Variants in L3MBTL4 observed in about 807,000 individuals in gnomAD.
L3MBTL4 encodes L3MBTL histone methyl-lysine binding protein 4, also known as lethal(3)malignant brain tumor-like protein 4.
L3MBTL4 carries 70 observed loss-of-function variants against 84.5 expected under a neutral mutation model. The observed-to-expected ratio is 0.83, with a 90% CI of 0.68 to 1.01. The LOEUF is 1.01. Ranked by LOEUF, L3MBTL4 falls within the 50% of genes least tolerant of loss-of-function variation. The pLI, the probability that L3MBTL4 is intolerant of heterozygous loss-of-function variation, is 0.00. For missense variants in L3MBTL4, 715 were observed against 754.8 expected (o/e 0.95, Z 0.62); for synonymous variants, 274 against 259.8 (o/e 1.05, Z -0.52).
chr18:6,203,626 A>G (rs1422216976), intron 12 of L3MBTL4, among the ~76,000 whole-genome samples: 2 of 152,194 alleles, frequency 1.3e-5, no homozygotes, highest in Non-Finnish European at 2.9e-5. Context: ...ATTACAAACC[A>G]GGGAAAAGAA....
chr18:6,413,753 G>A (rs912219096), intron 1 of L3MBTL4, among the ~76,000 whole-genome samples: 1 of 152,194 alleles, frequency 6.6e-6, no homozygotes. Flanking sequence ...GGGAATGGCC[G>A]AGTGGGTCGT....
chr18:6,058,699 A>G (rs906443630), intron 16 of L3MBTL4, among the ~76,000 whole-genome samples: 3 of 152,194 alleles, frequency 2.0e-5, no homozygotes, highest in Non-Finnish European at 2.9e-5. Flanking sequence ...AATGATGAAT[A>G]AAGGAGAGAA....
At chr18:6,012,227 A>C (rs2054772188) in intron 16 of L3MBTL4, among the ~76,000 whole-genome samples, 1 of 152,172 alleles carries the variant, frequency 6.6e-6, no homozygotes, top group African/African-American at 2.4e-5. Context: ...AAGATGAAGA[A>C]TGGAGGAAAG....
intron 16 of L3MBTL4, among the ~76,000 whole-genome samples, chr18:5,973,231 G>A (rs1044669514): frequency 6.6e-6 from 1 of 152,182 alleles, no homozygotes; most frequent in African/African-American, 2.4e-5. Flanking sequence ...ACACCTGAGT[G>A]GTCCTGGAAT....
chr18:5,980,640 C>T (rs2053170980), intron 16 of L3MBTL4, among the ~76,000 whole-genome samples: 1 of 152,004 alleles, frequency 6.6e-6, no homozygotes, highest in African/African-American at 2.4e-5. Context: ...TCATGTTGGC[C>T]AGGCTGGTCT....
chr18:6,159,271 G>A (rs1398652504), intron 13 of L3MBTL4, among the ~76,000 whole-genome samples: 5 of 152,154 alleles, frequency 3.3e-5, no homozygotes, highest in African/African-American at 9.7e-5. Context: ...GTTCAGAGAC[G>A]GGATAACCAG....
At chr18:6,284,977 G>T (rs1268566862) in intron 4 of L3MBTL4, among the ~76,000 whole-genome samples, 1 of 152,204 alleles carries the variant, frequency 6.6e-6, no homozygotes, top group Non-Finnish European at 1.5e-5. Flanking sequence ...GGGCGGGGGC[G>T]GGAATGAACC....
intron 1 of L3MBTL4, among the ~76,000 whole-genome samples, chr18:6,315,909 T>G (rs73387682): frequency 6.7e-6 from 1 of 149,258 alleles, no homozygotes; most frequent in Non-Finnish European, 1.5e-5. Flanking sequence ...TATGTATTAA[T>G]TCTGCACCCA....
At chr18:6,169,264 A>G (rs1249268527) in intron 13 of L3MBTL4, among the ~76,000 whole-genome samples, 1 of 152,234 alleles carries the variant, frequency 6.6e-6, no homozygotes, top group Non-Finnish European at 1.5e-5. Context: ...TGTGGAAGAC[A>G]GGGTGGCAAT....
chr18:6,018,631 C>T (rs916162169), intron 16 of L3MBTL4, among the ~76,000 whole-genome samples: 5 of 152,192 alleles, frequency 3.3e-5, no homozygotes, highest in Admixed American at 2.0e-4. Context: ...CTACCATTTC[C>T]GCTCTACTCT....
intron 13 of L3MBTL4, among the ~76,000 whole-genome samples, chr18:6,162,834 T>C (rs1437754943): frequency 6.6e-6 from 1 of 152,170 alleles, no homozygotes; most frequent in East Asian, 1.9e-4. Flanking sequence ...TAAGATATTG[T>C]CTTCAGATTC....
At position 6,210,665 on chromosome 18, in the gene L3MBTL4, A is replaced by G. The variant is rs569964466; in HGVS notation, c.981+2484T>C. Among the ~76,000 whole-genome samples, 7 of 152,332 alleles carry G rather than the reference A, an allele frequency of 4.6e-5. No individual in the cohort carries two copies. In the South Asian group the frequency reaches 1.5e-3, roughly 32 times the overall value. ...ACAAAGACTAAGTGCCATGACCACC[A>G]TAGGCATTGTTGAAAATGTAGTTCT... On this transcript the variant is annotated intron_variant, in intron 12 of 18. Transcript: ENST00000317931.
At chr18:5,976,153 A>T (rs2052919092) in intron 16 of L3MBTL4, among the ~76,000 whole-genome samples, 1 of 152,230 alleles carries the variant, frequency 6.6e-6, no homozygotes, top group Non-Finnish European at 1.5e-5. Context: ...TGAAATGTGA[A>T]GCGTGCAAAC....
intron 16 of L3MBTL4, among the ~76,000 whole-genome samples, chr18:6,035,366 T>C (rs1235482473): frequency 1.3e-5 from 2 of 152,214 alleles, no homozygotes; most frequent in African/African-American, 4.8e-5. Flanking sequence ...TTTGTACATA[T>C]GGCTAGCCAG....
intron 1 of L3MBTL4, among the ~76,000 whole-genome samples, chr18:6,393,898 C>T (rs911251912): frequency 8.5e-5 from 13 of 152,178 alleles, no homozygotes; most frequent in Non-Finnish European, 1.9e-4. Flanking sequence ...CCTCATGTGG[C>T]TACAGAGCAC....
chr18:6,073,782 TA>T lies in L3MBTL4; in HGVS notation c.1444+7098del, dbSNP rs556074317. On this transcript the variant is annotated intron_variant, in intron 16 of 18. Coordinates refer to ENST00000317931, the MANE Select transcript of L3MBTL4 (RefSeq NM_001330559.2). ...TTGGTCAAAATATTAACAACTCTTTTAACTAGTAAAAGTAATATTTAATTAG... is the reference window on the plus strand; with the variant it reads ...TTGGTCAAAATATTAACAACTCTTTTACTAGTAAAAGTAATATTTAATTAG... Among the ~76,000 whole-genome samples the T allele has an allele frequency of 1.8e-3, 271 of 152,348 alleles. 1 individual carries two copies. Among genetic ancestry groups the T allele is most frequent in the Admixed American group, 0.017 (258 of 15,296 alleles).
At chr18:6,380,359 C>T (rs1176125206) in intron 1 of L3MBTL4, among the ~76,000 whole-genome samples, 1 of 152,076 alleles carries the variant, frequency 6.6e-6, no homozygotes, top group African/African-American at 2.4e-5. Context: ...CTTCTGCTAC[C>T]TTTTGAATTT....
intron 1 of L3MBTL4, among the ~76,000 whole-genome samples, chr18:6,323,943 C>T (rs541805266): frequency 6.8e-4 from 101 of 149,486 alleles, no homozygotes; most frequent in African/African-American, 2.4e-3. Context: ...GCCTGGAGGC[C>T]AAGGAGGGAA....
At chr18:6,107,236 T>C (rs543701566) in intron 14 of L3MBTL4, among the ~76,000 whole-genome samples, 1 of 152,274 alleles carries the variant, frequency 6.6e-6, no homozygotes, top group South Asian at 2.1e-4. Flanking sequence ...GTTCTTGAAA[T>C]AGGACTAGCC....
Sources: allele counts gnomAD v4.1 joint callset (sites outside exome capture counted in the v4.1 genomes callset), GRCh38; gene constraint gnomAD v4.1.1; transcripts MANE v1.5; gene names NCBI Gene and HGNC (gene_info 2026-07-23, HGNC 2026-07-21).